CRADD: variants seen among roughly 807,000 people sequenced by gnomAD.
CRADD encodes the protein death domain-containing protein CRADD.
A neutral mutation model predicts 15.5 loss-of-function variants in CRADD; 9 were observed. That is an observed-to-expected ratio of 0.58 (90% CI 0.35 to 1.01). The LOEUF is 1.01. CRADD is among the 50% of genes least tolerant of loss of function. The pLI is 0.02. For synonymous variants in CRADD, 118 were observed against 107.6 expected, an observed-to-expected ratio of 1.10 and a Z score of -0.60; for missense variants, 227 against 250.3, an observed-to-expected ratio of 0.91 and a Z score of 0.63.
intron 2 of CRADD, among the ~76,000 whole-genome samples, chr12:93,880,563 G>A (rs976697993): frequency 3.9e-5 from 6 of 152,094 alleles, no homozygotes; most frequent in African/African-American, 1.2e-4. Flanking sequence ...CCCCTAATCC[G>A]TGTGACTTTT....
intron 2 of CRADD, among the ~76,000 whole-genome samples, chr12:93,810,690 C>G (rs1398207875): frequency 6.6e-6 from 1 of 150,772 alleles, no homozygotes; most frequent in Middle Eastern, 3.3e-3. Flanking sequence ...GTGAAACGGG[C>G]TCCATGTCAT....
intron 2 of CRADD, among the ~76,000 whole-genome samples, chr12:93,856,687 T>C (rs547189347): frequency 6.6e-6 from 1 of 152,340 alleles, no homozygotes; most frequent in Non-Finnish European, 1.5e-5. Flanking sequence ...CAGAGCAATT[T>C]AGAAACTAAG....
chr12:93,767,365 C>G (rs1352016359), intron 2 of CRADD, among the ~76,000 whole-genome samples: 1 of 152,168 alleles, frequency 6.6e-6, no homozygotes, highest in African/African-American at 2.4e-5. Flanking sequence ...CCTTGTTTCA[C>G]TTTGTGTTTC....
intron 2 of CRADD, among the ~76,000 whole-genome samples, chr12:93,754,953 T>G (rs1017809703): frequency 2.6e-5 from 4 of 151,510 alleles, no homozygotes; most frequent in African/African-American, 9.7e-5. Context: ...TACTTGAGAC[T>G]GGGTAATTCA....
intron 2 of CRADD, among the ~76,000 whole-genome samples, chr12:93,680,947 C>T (rs544286454): frequency 1.2e-4 from 18 of 151,874 alleles, no homozygotes; most frequent in Admixed American, 3.3e-4. Context: ...TGCAATGGCG[C>T]GATCTCGGCT....
At chr12:93,797,062 C>G (rs988015070) in intron 2 of CRADD, among the ~76,000 whole-genome samples, 13 of 152,304 alleles carry the variant, frequency 8.5e-5, no homozygotes, top group Non-Finnish European at 1.6e-4. Context: ...ATTAGAACAT[C>G]TGGCATCAGA....
intron 2 of CRADD, among the ~76,000 whole-genome samples, chr12:93,842,401 A>G (rs967298200): frequency 2.0e-5 from 3 of 152,114 alleles, no homozygotes; most frequent in African/African-American, 7.2e-5. Flanking sequence ...AGTCAAACAG[A>G]CAGCTAGTGG....
intron 2 of CRADD, among the ~76,000 whole-genome samples, chr12:93,875,841 T>C (rs1292046393): frequency 6.6e-6 from 1 of 152,138 alleles, no homozygotes. Context: ...ATAAGAGTAG[T>C]TTACATATCA....
At chr12:93,700,005 G>A (rs1565877439) in intron 2 of CRADD, among the ~76,000 whole-genome samples, 1 of 152,178 alleles carries the variant, frequency 6.6e-6, no homozygotes, top group Non-Finnish European at 1.5e-5. Flanking sequence ...AATAAAGTAG[G>A]GAGTGCTTCG....
intron 2 of CRADD, among the ~76,000 whole-genome samples, chr12:93,772,232 GAC>G (rs1339061741): frequency 6.6e-6 from 1 of 152,186 alleles, no homozygotes; most frequent in African/African-American, 2.4e-5. Context: ...CTCCCATATT[GAC>G]AGTCTTTATG....
At chr12:93,808,990 C>T (rs2137005534) in intron 2 of CRADD, among the ~76,000 whole-genome samples, 1 of 152,282 alleles carries the variant, frequency 6.6e-6, no homozygotes, top group Middle Eastern at 3.4e-3. Flanking sequence ...TCTTGGCTCA[C>T]TTCAGCCTCC....
In CRADD at chr12:93,703,054, G is replaced by A. The variant is rs76713716; in HGVS notation, c.298+23982G>A. Among the ~76,000 whole-genome samples the A allele has an allele frequency of 2.1e-3, 316 of 152,218 alleles. 3 individuals carry two copies. The highest frequency in any genetic ancestry group is 7.2e-3 in the African/African-American group (301 of 41,518). ...CACCTAATATAGACTCCCAAAGCCA[G>A]CCAAATGCAGATTTTGGCTCCTAGA... On this transcript the variant is annotated intron_variant, in intron 2 of 2. Coordinates refer to ENST00000332896, the MANE Select transcript of CRADD (RefSeq NM_003805.5).
intron 2 of CRADD, among the ~76,000 whole-genome samples, chr12:93,762,593 G>A (rs943911967): frequency 2.6e-5 from 4 of 152,068 alleles, no homozygotes; most frequent in Non-Finnish European, 4.4e-5. Context: ...TTTATTTACC[G>A]TTATGTGCTA....
intron 2 of CRADD, among the ~76,000 whole-genome samples, chr12:93,830,650 CACTAAGTAGGTACTGA>C (rs1957885313): frequency 2.0e-5 from 3 of 152,188 alleles, no homozygotes; most frequent in African/African-American, 4.8e-5. Context: ...TTATTTGCAA[CACTAAGTAGGTACTGA>C]ACTAAGTAGG....
Position 93,679,075 on chromosome 12 carries a change from A to G in CRADD, c.298+3A>G, listed in dbSNP as rs949618335. On this transcript the variant is annotated splice_donor_region_variant and intron_variant, in intron 2 of 2. Coordinates refer to ENST00000332896, the MANE Select transcript of CRADD (RefSeq NM_003805.5). ...GGCCATGACCGACCTGCCTGCAGGT[A>G]GGCCTCAGAAAGATCACTTTGAACC... The G allele has an allele frequency of 5.6e-6, 9 of 1,605,000 alleles. No homozygotes were observed. The African/African-American group carries it at 8.1e-5, about 14-fold the overall frequency.
At chr12:93,711,013 A>G (rs1401889984) in intron 2 of CRADD, among the ~76,000 whole-genome samples, 1 of 141,802 alleles carries the variant, frequency 7.1e-6, no homozygotes, top group Non-Finnish European at 1.5e-5. Context: ...GAAGATGATC[A>G]TTGATTGACT....
At chr12:93,684,968 G>A (rs1281293894) in intron 2 of CRADD, among the ~76,000 whole-genome samples, 2 of 152,222 alleles carry the variant, frequency 1.3e-5, no homozygotes, top group African/African-American at 2.4e-5. Flanking sequence ...GTGTGCAGCC[G>A]TGATCTTGTG....
At chr12:93,738,706 T>G (rs2136925374) in intron 2 of CRADD, 2 of 404,780 alleles carry the variant, frequency 4.9e-6, no homozygotes, top group East Asian at 7.9e-5. Context: ...ATGGAAATCT[T>G]AACTTCATTT....
At chr12:93,732,107 G>A (rs1956475788) in intron 2 of CRADD, among the ~76,000 whole-genome samples, 1 of 150,698 alleles carries the variant, frequency 6.6e-6, no homozygotes, top group Non-Finnish European at 1.5e-5. Flanking sequence ...TTGCACTCCA[G>A]CCTGGGCGAC....
Sources: allele counts gnomAD v4.1 joint callset (sites outside exome capture counted in the v4.1 genomes callset), GRCh38; gene constraint gnomAD v4.1.1; transcripts MANE v1.5; gene names NCBI Gene and HGNC (gene_info 2026-07-23, HGNC 2026-07-21).